The following TNNT1 variants were observed in gnomAD, a reference collection of about 807,000 sequenced individuals.
TNNT1 encodes the protein troponin T, slow skeletal muscle.
A neutral mutation model predicts 50.6 loss-of-function variants in TNNT1; 53 were observed. The ratio of observed to expected loss-of-function variants is 1.05; its 90% CI spans 0.84 to 1.32. The LOEUF is 1.32. Among genes scored for constraint, TNNT1 ranks in the 40% most tolerant of loss-of-function variants. The pLI is 0.00. For synonymous variants in TNNT1, 142 were observed against 138.0 expected (o/e 1.03, Z -0.20); for missense variants, 348 against 381.7 (o/e 0.91, Z 0.74).
Position 55,141,191 on chromosome 19 carries a change from G to T in TNNT1, c.304C>A (p.Arg102Ser), listed in dbSNP as rs774855200. The T allele has an allele frequency of 3.7e-6, 6 of 1,613,662 alleles. No homozygotes were observed. The East Asian group carries it at 6.7e-5, about 18-fold the overall frequency. Residue 102 changes from arginine (R) to serine (S), a missense_variant, in exon 8 of 14, where the codon CGC becomes AGC. Around this residue, in one of 3 missense-constraint regions of TNNT1, gnomAD observed 253 missense variants for 291.8 expected, o/e 0.87. Transcript: ENST00000588981. ...EEEELVALKERIERRRSERAE... is the reference protein window; with the variant it reads ...EEEELVALKESIERRRSERAE... ...AACCCGGACTCTCGGCTCACAATGC[G>T]CTCCTTCAAGGCAACCAGCTCCTCT...
chr19:55,133,711 A>T, intron 13 of TNNT1, 176 bp downstream of exon 13: 4 of 700,014 alleles, frequency 5.7e-6, no homozygotes, highest in South Asian at 1.7e-5. Context: ...AAAAAGAAAA[A>T]GGAACTGAGA....
intron 6 of TNNT1, among the ~76,000 whole-genome samples, chr19:55,142,412 C>T (rs1023508480): frequency 1.3e-5 from 2 of 152,064 alleles, no homozygotes; most frequent in Non-Finnish European, 2.9e-5. Context: ...TGAGCCACCG[C>T]GCCCGGCACT....
intron 11 of TNNT1, chr19:55,135,611 T>G (rs2085334166): frequency 6.4e-6 from 1 of 156,482 alleles, no homozygotes; most frequent in Non-Finnish European, 1.4e-5. Flanking sequence ...CACCGCAACC[T>G]CCGCCTCCTG....
At chr19:55,134,846 G>C (rs866432727) in intron 11 of TNNT1, among the ~76,000 whole-genome samples, 18 of 123,590 alleles carry the variant, frequency 1.5e-4, no homozygotes, top group South Asian at 3.1e-4. Context: ...GGGGAAGGGA[G>C]GGGAGGGGAG....
chr19:55,142,546 A>ATT (rs112126041), intron 6 of TNNT1, among the ~76,000 whole-genome samples: 3 of 138,546 alleles, frequency 2.2e-5, no homozygotes, highest in East Asian at 2.2e-4. Flanking sequence ...CCTAGTAAGA[A>ATT]TTTTTTTTTT....
chr19:55,148,701 C>G (rs759565934), intron 1 of TNNT1, among the ~76,000 whole-genome samples: 12 of 152,064 alleles, frequency 7.9e-5, no homozygotes, highest in Non-Finnish European at 1.3e-4. Context: ...GATAATGGCA[C>G]TCTAAGTTTT....
intron 1 of TNNT1, among the ~76,000 whole-genome samples, chr19:55,148,617 A>G (rs1411770129): frequency 2.0e-5 from 3 of 152,078 alleles, no homozygotes; most frequent in Non-Finnish European, 2.9e-5. Context: ...ACCTCCTAAA[A>G]TCTGAAACCT....
intron 9 of TNNT1, among the ~76,000 whole-genome samples, 176 bp from the exon 10 acceptor site, chr19:55,138,250 G>A (rs927543976): frequency 6.6e-6 from 1 of 151,404 alleles, no homozygotes; most frequent in Non-Finnish European, 1.5e-5. Context: ...ACGTCTCCCC[G>A]TGTGACCACC....
chr19:55,147,730 G>C lies in TNNT1; in HGVS notation c.-11-562C>G, dbSNP rs2085603978. On this transcript the variant is annotated intron_variant, in intron 1 of 13. Transcript: ENST00000588981. ...GGAGGGGCCAGGGGCCTGGACGCCT[G>C]GGTCTGAGGGAGGAGGGGCCGCGGG... Among the ~76,000 whole-genome samples the C allele has an allele frequency of 3.0e-5, 4 of 132,944 alleles. No individual in the cohort carries two copies. In the South Asian group the frequency reaches 9.2e-4, roughly 31 times the overall value. 87.2% of individuals were successfully genotyped at this position (132,944 alleles called of 152,430 possible).
chr19:55,141,741 A>G (rs1441838539), intron 7 of TNNT1, 116 bp downstream of exon 7: 5 of 1,235,036 alleles, frequency 4.0e-6, no homozygotes, highest in Non-Finnish European at 4.8e-6. Flanking sequence ...CAGCCTCCCA[A>G]AGTGCTGGGA....
intron 12 of TNNT1, 68 bp from the exon 13 acceptor site, chr19:55,133,995 C>T: frequency 1.2e-6 from 2 of 1,612,680 alleles, no homozygotes; most frequent in Non-Finnish European, 8.5e-7. Flanking sequence ...CCACCCCTGC[C>T]TGGAGTTTGC....
At chr19:55,133,693 AAAG>A (rs1195476152) in intron 13 of TNNT1, 191 bp downstream of exon 13, 2 of 663,540 alleles carry the variant, frequency 3.0e-6, no homozygotes, top group South Asian at 1.8e-5. Flanking sequence ...AAAAAAAAAA[AAAG>A]AAAGAAAAAG....
Position 55,140,934 on chromosome 19 carries a change from C to T in TNNT1, c.336G>A (p.Glu112=), listed in dbSNP as rs750064292. Residue 112 remains glutamate (E), a synonymous_variant, in exon 9 of 14, where the codon GAG becomes GAA. Coordinates refer to ENST00000588981, the MANE Select transcript of TNNT1 (RefSeq NM_003283.6). ...CCTTCTCAGTTCTGAAGCGCTGTTGCTCGGCTCTCTCTGACCGGCGCCGCT... is the reference window on the plus strand; with the variant it reads ...CCTTCTCAGTTCTGAAGCGCTGTTGTTCGGCTCTCTCTGACCGGCGCCGCT... ...RIERRRSERA[E]QQRFRTEKER... The T allele has an allele frequency of 9.3e-6, 15 of 1,613,864 alleles. No homozygotes were observed. The highest frequency in any genetic ancestry group is 1.1e-5 in the Non-Finnish European group (13 of 1,180,032).
chr19:55,144,255 A>T (rs1229200127), intron 6 of TNNT1, among the ~76,000 whole-genome samples: 1 of 151,966 alleles, frequency 6.6e-6, no homozygotes, highest in African/African-American at 2.4e-5. Context: ...TTTTTAGTAG[A>T]GACAGAGTTT....
intron 9 of TNNT1, 71 bp from the exon 10 acceptor site, chr19:55,138,145 A>C: frequency 1.2e-6 from 2 of 1,611,358 alleles, no homozygotes; most frequent in Admixed American, 3.4e-5. Context: ...TGGGATGTGG[A>C]ACTGGGGCAC....
chr19:55,142,209 C>G (rs1416675306), intron 6 of TNNT1, among the ~76,000 whole-genome samples: 1 of 152,026 alleles, frequency 6.6e-6, no homozygotes, highest in Non-Finnish European at 1.5e-5. Flanking sequence ...CAAGCTCCGC[C>G]TCCTGGGTTC....
intron 11 of TNNT1, among the ~76,000 whole-genome samples, chr19:55,136,635 T>C (rs747297406): frequency 1.4e-4 from 22 of 152,052 alleles, no homozygotes; most frequent in Non-Finnish European, 2.8e-4. Flanking sequence ...CCAGAGAACA[T>C]GGAGAAACAG....
At chr19:55,143,374 C>G (rs554030416) in intron 6 of TNNT1, among the ~76,000 whole-genome samples, 2 of 152,252 alleles carry the variant, frequency 1.3e-5, no homozygotes, top group South Asian at 4.1e-4. Flanking sequence ...TGAGGCTCAG[C>G]CCTCAGCCTG....
intron 6 of TNNT1, chr19:55,145,343 G>T: frequency 1.6e-6 from 1 of 641,408 alleles, no homozygotes; most frequent in Non-Finnish European, 2.8e-6. Context: ...AGGGGAAGAA[G>T]AGGAAGTGGA....
Sources: allele counts gnomAD v4.1 joint callset (sites outside exome capture counted in the v4.1 genomes callset), GRCh38; gene constraint gnomAD v4.1.1; regional missense constraint gnomAD v4.1.1; transcripts MANE v1.5; gene names NCBI Gene and HGNC (gene_info 2026-07-23, HGNC 2026-07-21).